Variants in LDLRAD4 observed in about 807,000 individuals in gnomAD.
The protein encoded by LDLRAD4 is low-density lipoprotein receptor class A domain-containing protein 4.
LDLRAD4 carries 5 observed loss-of-function variants against 17.0 expected under a neutral mutation model. That is an observed-to-expected ratio of 0.29 (90% CI 0.15 to 0.62). The LOEUF (loss-of-function observed/expected upper bound fraction) is 0.62. Ranked by LOEUF, LDLRAD4 falls within the 20% of genes least tolerant of loss-of-function variation. The pLI is 0.84. For synonymous variants in LDLRAD4, 168 were observed against 171.8 expected, an observed-to-expected ratio of 0.98 and a Z score of 0.17; for missense variants, 340 against 424.7, an observed-to-expected ratio of 0.80 and a Z score of 1.75.
chr18:13,392,816 G>A (rs1422437721), intron 2 of LDLRAD4, among the ~76,000 whole-genome samples: 1 of 152,180 alleles, frequency 6.6e-6, no homozygotes, highest in Non-Finnish European at 1.5e-5. Context: ...AGAATTTATA[G>A]CGAGTCTTTC....
chr18:13,401,742 C>G (rs769085152), intron 2 of LDLRAD4, among the ~76,000 whole-genome samples: 12 of 152,192 alleles, frequency 7.9e-5, no homozygotes, highest in Non-Finnish European at 1.2e-4. Flanking sequence ...GGGGTCTGCT[C>G]CCAGCCTGGG....
intron 4 of LDLRAD4, among the ~76,000 whole-genome samples, chr18:13,627,783 C>G (rs1052319567): frequency 1.3e-5 from 2 of 152,190 alleles, no homozygotes; most frequent in African/African-American, 2.4e-5. Context: ...CATGGGCTCC[C>G]CGCTCTCTGA....
At chr18:13,354,226 A>G (rs2083207428) in intron 1 of LDLRAD4, among the ~76,000 whole-genome samples, 1 of 152,210 alleles carries the variant, frequency 6.6e-6, no homozygotes, top group Non-Finnish European at 1.5e-5. Context: ...TCTCTAAAAA[A>G]AGAAATAAGA....
chr18:13,433,874 T>G (rs1419281663), intron 2 of LDLRAD4, among the ~76,000 whole-genome samples: 1 of 152,200 alleles, frequency 6.6e-6, no homozygotes, highest in Non-Finnish European at 1.5e-5. Flanking sequence ...ATAACCCAAC[T>G]GGCTGATGTT....
At chr18:13,623,155 G>A (rs967305419) in intron 4 of LDLRAD4, among the ~76,000 whole-genome samples, 21 of 152,370 alleles carry the variant, frequency 1.4e-4, no homozygotes, top group African/African-American at 4.3e-4. Flanking sequence ...TCAAAAAAGT[G>A]TCTTCTGTGT....
intron 1 of LDLRAD4, among the ~76,000 whole-genome samples, chr18:13,261,643 A>C (rs190943437): frequency 6.6e-6 from 1 of 152,176 alleles, no homozygotes; most frequent in Non-Finnish European, 1.5e-5. Context: ...GTGCGGTTAG[A>C]AACGTAGAGG....
At chr18:13,428,529 C>G (rs1419580143) in intron 2 of LDLRAD4, among the ~76,000 whole-genome samples, 1 of 152,150 alleles carries the variant, frequency 6.6e-6, no homozygotes, top group Non-Finnish European at 1.5e-5. Flanking sequence ...GTTGGAGAGA[C>G]CTGATCTGAC....
At chr18:13,412,829 A>G (rs2088503433) in intron 2 of LDLRAD4, among the ~76,000 whole-genome samples, 1 of 152,206 alleles carries the variant, frequency 6.6e-6, no homozygotes, top group Admixed American at 6.5e-5. Context: ...CACTTAATGT[A>G]CCAATTTGTA....
At chr18:13,356,631 T>G (rs927357252) in intron 1 of LDLRAD4, among the ~76,000 whole-genome samples, 3 of 152,268 alleles carry the variant, frequency 2.0e-5, no homozygotes, top group South Asian at 2.1e-4. Flanking sequence ...TTAGACAGTT[T>G]CCCCTGGAAC....
chr18:13,585,821 GA>G (rs2094925483), intron 3 of LDLRAD4, among the ~76,000 whole-genome samples: 1 of 152,160 alleles, frequency 6.6e-6, no homozygotes, highest in Admixed American at 6.5e-5. Flanking sequence ...CTCTGTGTTG[GA>G]AAGAATATAT....
chr18:13,335,243 C>T (rs2082050799), intron 1 of LDLRAD4, among the ~76,000 whole-genome samples: 1 of 152,212 alleles, frequency 6.6e-6, no homozygotes, highest in South Asian at 2.1e-4. Context: ...AAGCTTCTAC[C>T]ATGAGCATTG....
chr18:13,612,549 C>A (rs988991288), intron 3 of LDLRAD4: 6 of 1,436,078 alleles, frequency 4.2e-6, no homozygotes, highest in East Asian at 5.1e-5. Flanking sequence ...AAACACACCC[C>A]CCCCCCCTCC....
chr18:13,271,304 G>A (rs902447852), intron 1 of LDLRAD4, among the ~76,000 whole-genome samples: 1 of 152,156 alleles, frequency 6.6e-6, no homozygotes, highest in African/African-American at 2.4e-5. Flanking sequence ...TGATGTAGAC[G>A]ACTGTAGGAT....
intron 1 of LDLRAD4, among the ~76,000 whole-genome samples, chr18:13,256,169 T>A (rs1418116446): frequency 6.6e-6 from 1 of 152,176 alleles, no homozygotes; most frequent in African/African-American, 2.4e-5. Flanking sequence ...GCCTGATTAT[T>A]CTAGGGAAAA....
At chr18:13,389,862 G>A (rs1469361492) in intron 2 of LDLRAD4, among the ~76,000 whole-genome samples, 2 of 152,160 alleles carry the variant, frequency 1.3e-5, no homozygotes, top group East Asian at 3.8e-4. Flanking sequence ...TTGCAGATAG[G>A]ACAGTACCTC....
chr18:13,603,698 C>T (rs973427352), intron 3 of LDLRAD4, among the ~76,000 whole-genome samples: 2 of 152,220 alleles, frequency 1.3e-5, no homozygotes, highest in Non-Finnish European at 2.9e-5. Context: ...TTAGGCACCC[C>T]TCCTGTGTGC....
chr18:13,334,332 G>T (rs2082003938), intron 1 of LDLRAD4, among the ~76,000 whole-genome samples: 2 of 152,068 alleles, frequency 1.3e-5, no homozygotes, highest in Admixed American at 1.3e-4. Context: ...CCACCTCCTG[G>T]GTTCAAGAGA....
At chr18:13,420,392 A>C (rs1371999126) in intron 2 of LDLRAD4, 1 of 152,262 alleles carries the variant, frequency 6.6e-6, no homozygotes, top group African/African-American at 2.4e-5. Context: ...GGAGGAAATT[A>C]CATAATCATA....
chr18:13,388,817 C>T (rs149797449), intron 2 of LDLRAD4, among the ~76,000 whole-genome samples: 76 of 152,364 alleles, frequency 5.0e-4, no homozygotes, highest in African/African-American at 1.7e-3. Flanking sequence ...TTCCCAACCT[C>T]GGCCGCTTCC....
Sources: allele counts gnomAD v4.1 joint callset (sites outside exome capture counted in the v4.1 genomes callset), GRCh38; gene constraint gnomAD v4.1.1; transcripts MANE v1.5; gene names NCBI Gene and HGNC (gene_info 2026-07-23, HGNC 2026-07-21).